Variants in UHRF1 observed in about 807,000 individuals in gnomAD.
The protein encoded by UHRF1 is ubiquitin like with PHD and ring finger domains 1, also known as E3 ubiquitin-protein ligase UHRF1.
Under a neutral mutation model 96.5 loss-of-function variants are expected in UHRF1, and 9 were observed. That is an observed-to-expected ratio of 0.09 (90% CI 0.06 to 0.16). UHRF1 has a LOEUF of 0.16. Ranked by LOEUF, UHRF1 falls within the 10% of genes least tolerant of loss-of-function variation. The probability of loss-of-function intolerance (pLI) is 1.00; values close to 1 mark genes in which losing one functional copy is unlikely to be tolerated. For synonymous variants in UHRF1, 455 were observed against 469.9 expected, an observed-to-expected ratio of 0.97 and a Z score of 0.41; for missense variants, 626 against 1,131.1, an observed-to-expected ratio of 0.55 and a Z score of 6.40.
intron 13 of UHRF1, among the ~76,000 whole-genome samples, chr19:4,952,528 G>A (rs1010197912): frequency 6.7e-6 from 1 of 150,366 alleles, no homozygotes; most frequent in African/African-American, 2.5e-5. Context: ...TGCATAGCTG[G>A]GATCACAGGT....
intron 1 of UHRF1, chr19:4,909,896 GA>G: frequency 2.7e-6 from 1 of 375,066 alleles, no homozygotes; most frequent in Non-Finnish European, 4.7e-6. Context: ...CCGGGTGGGG[GA>G]GGGCCTGGCG....
rs140647290 is a variant in UHRF1 at position 4,938,848 on chromosome 19, A to G, written c.786-2680A>G. Among the ~76,000 whole-genome samples the G allele has an allele frequency of 5.0e-3, 746 of 147,728 alleles. 3 individuals carry two copies. Among genetic ancestry groups the G allele is most frequent in the African/African-American group, 0.018 (712 of 39,996 alleles). On this transcript the variant is annotated intron_variant, in intron 5 of 16. Transcript: ENST00000650932. Reference sequence around the variant, plus strand: ...AGCCCCAACCTCCTGGGCTCAAGCAATCCTCCAACCTCAGCCTCCCACGTA... The same window carrying G: ...AGCCCCAACCTCCTGGGCTCAAGCAGTCCTCCAACCTCAGCCTCCCACGTA...
chr19:4,941,780 G>T lies in UHRF1; in HGVS notation c.922G>T (p.Asp308Tyr). The change falls in exon 7 of 17, where the codon GAC (aspartate) becomes TAC (tyrosine). Residue 308 changes from aspartate (D) to tyrosine (Y), a missense_variant. Physicochemically the swap from Asp to Tyr is radical, Grantham distance 160 (BLOSUM62 -3). Coordinates refer to ENST00000650932, the MANE Select transcript of UHRF1 (RefSeq NM_001048201.3). Reference sequence around the variant, plus strand: ...GCCGTCCTGCAAGCACTGCAAGGACGACGTGAACAGACTCTGCCGGGTCTG... The same window carrying T: ...GCCGTCCTGCAAGCACTGCAAGGACTACGTGAACAGACTCTGCCGGGTCTG... ...SGPSCKHCKD[D>Y]VNRLCRVCAC... 1 of 1,567,312 alleles carries T rather than the reference G, an allele frequency of 6.4e-7. No individual in the cohort carries two copies. Among genetic ancestry groups the T allele is most frequent in the Non-Finnish European group, 8.6e-7 (1 of 1,156,806 alleles).
chr19:4,954,567 TCGTGTGGA>T lies in UHRF1; in HGVS notation c.1958-78_1958-71del. 1.3e-6 allele frequency: 2 copies of T among 1,586,536 alleles called. No homozygotes were observed. Among genetic ancestry groups the T allele is most frequent in the Non-Finnish European group, 1.7e-6 (2 of 1,164,666 alleles). ...GCATCTCGCGGGTGTGGGGTTGAGG[TCGTGTGGA>T]CGTGGGAGCCGGTGGCTGTCTCTCC... On this transcript the variant is annotated intron_variant, in intron 14 of 16. Transcript: ENST00000650932. The surrounding 1 kb of genome is among the most constrained non-coding windows in gnomAD (Gnocchi z 5.9).
At chr19:4,951,696 CAAA>C (rs771845391) in intron 13 of UHRF1, among the ~76,000 whole-genome samples, 21 of 83,340 alleles carry the variant, frequency 2.5e-4, no homozygotes, top group Admixed American at 1.6e-3. Context: ...TGGCTCATCA[CAAA>C]AAAAAAAAAA....
chr19:4,914,528 G>A (rs2032415592), intron 2 of UHRF1, among the ~76,000 whole-genome samples: 1 of 152,072 alleles, frequency 6.6e-6, no homozygotes, highest in Admixed American at 6.6e-5. Flanking sequence ...GTCTCACTTG[G>A]GCTGAATAGG....
rs771845391 is a variant in UHRF1 at position 4,951,696 on chromosome 19, C to CAA, written c.1818+717_1818+718dup. Among the ~76,000 whole-genome samples, 686 of 83,282 alleles carry CAA rather than the reference C, an allele frequency of 8.2e-3. 4 individuals are homozygous for CAA. The highest frequency in any genetic ancestry group is 0.012 in the South Asian group (35 of 2,934). 54.6% of individuals were successfully genotyped at this position (83,282 alleles called of 152,430 possible). A position where few individuals can be genotyped will look rare whatever the true frequency, so the allele number is the denominator to read the frequency against. The stretch of plus-strand genomic sequence containing the variant: ...TCTGTTTTCACTTCTTGGCTCATCA[C>CAA]AAAAAAAAAAAAAAAAAAGCAGAAA... On this transcript the variant is annotated intron_variant, in intron 13 of 16. Transcript: ENST00000650932.
chr19:4,917,072 G>A (rs940403568), intron 2 of UHRF1, among the ~76,000 whole-genome samples: 3 of 114,122 alleles, frequency 2.6e-5, no homozygotes, highest in African/African-American at 6.9e-5. Context: ...CAGCTCGGTG[G>A]GGGGGGGGGG....
intron 6 of UHRF1, 23 bp downstream of exon 6, chr19:4,941,651 C>G (rs751483754): frequency 1.0e-5 from 16 of 1,607,144 alleles, no homozygotes; most frequent in Non-Finnish European, 1.4e-5. Context: ...CCAGCCTTTC[C>G]CCATCTTCCG....
upstream of UHRF1, among the ~76,000 whole-genome samples, chr19:4,905,752 A>G (rs765206347): frequency 3.3e-5 from 5 of 151,666 alleles, no homozygotes; most frequent in Non-Finnish European, 7.4e-5. Context: ...TCCTGACCTC[A>G]GTGATCCGCC....
chr19:4,924,020 G>T (rs1716734947), intron 2 of UHRF1, among the ~76,000 whole-genome samples: 1 of 152,220 alleles, frequency 6.6e-6, no homozygotes, highest in African/African-American at 2.4e-5. Context: ...ACGCTGGAGT[G>T]CAGTGGCGAG....
rs367703737 is a variant in UHRF1, at chr19:4,926,292, C to T, written c.154-2930C>T. On this transcript the variant is annotated intron_variant, in intron 2 of 16. Transcript: ENST00000650932. ...CCTGCGTGTACAGGTTGACGTGCCT[C>T]TTCCTCTCCATCCGTGCCACCTCTC... Among the ~76,000 whole-genome samples, 130 of 152,344 alleles carry T rather than the reference C, an allele frequency of 8.5e-4. 4 individuals carry two copies. In the South Asian group the frequency reaches 0.026, roughly 30 times the overall value.
At chr19:4,923,229 T>G (rs998944713) in intron 2 of UHRF1, among the ~76,000 whole-genome samples, 1 of 152,208 alleles carries the variant, frequency 6.6e-6, no homozygotes. Context: ...GTCCTCTGTC[T>G]GAGTCTGGCA....
At chr19:4,924,215 T>C (rs2032794848) in intron 2 of UHRF1, among the ~76,000 whole-genome samples, 1 of 152,208 alleles carries the variant, frequency 6.6e-6, no homozygotes, top group Non-Finnish European at 1.5e-5. Flanking sequence ...AGTGGCGTGA[T>C]CTCGGCTCAC....
chr19:4,940,170 C>A (rs985723176), intron 5 of UHRF1, among the ~76,000 whole-genome samples: 1 of 152,024 alleles, frequency 6.6e-6, no homozygotes, highest in East Asian at 1.9e-4. Flanking sequence ...CCAATTACTT[C>A]CACCTATGTT....
chr19:4,914,463 A>G (rs1205189411), intron 2 of UHRF1, among the ~76,000 whole-genome samples: 1 of 151,570 alleles, frequency 6.6e-6, no homozygotes, highest in Non-Finnish European at 1.5e-5. Flanking sequence ...GTTGATGGAG[A>G]CCCCAGAGCA....
In UHRF1 at chr19:4,941,751, G is replaced by A. The variant is rs2145174227; in HGVS notation, c.893G>A (p.Ser298Asn). The change falls in exon 7 of 17, where the codon AGC becomes AAC. Residue 298 changes from serine to asparagine, a missense_variant. Ser to Asn is a conservative substitution (Grantham distance 46). Around this residue, in one of 11 missense-constraint regions of UHRF1, gnomAD observed 198 missense variants for 235.1 expected, o/e 0.84. Coordinates refer to ENST00000650932, the MANE Select transcript of UHRF1 (RefSeq NM_001048201.3). ...CCTGCCGCCCCGTGCCCAGGGAAGA[G>A]CGGGCCGTCCTGCAAGCACTGCAAG... is the stretch of plus-strand genomic sequence containing the variant. ...PMVDNPMRRK[S>N]GPSCKHCKDD... 1.3e-6 allele frequency: 2 copies of A among 1,545,850 alleles called. No homozygotes were observed. Among genetic ancestry groups the A allele is most frequent in the South Asian group, 1.2e-5 (1 of 83,726 alleles).
Position 4,960,922 on chromosome 19 carries a change from A to G in UHRF1, c.*119A>G, listed in dbSNP as rs2033972311. On this transcript the variant is annotated 3_prime_UTR_variant, in exon 17 of 17. Transcript: ENST00000650932. Reference sequence around the variant, plus strand: ...CAGGTAGTGTTTCCTCCGTTCCCTAAAAAGGTTTGTCTTCCTTTTTTTTTT... The same window carrying G: ...CAGGTAGTGTTTCCTCCGTTCCCTAGAAAGGTTTGTCTTCCTTTTTTTTTT... 1.8e-6 allele frequency: 1 copy of G among 548,196 alleles called. No individual in the cohort carries two copies. Among genetic ancestry groups the G allele is most frequent in the Non-Finnish European group, 3.1e-6 (1 of 326,940 alleles). 34.0% of individuals were successfully genotyped at this position (548,196 alleles called of 1,614,324 possible).
chr19:4,947,108 C>T lies in UHRF1; in HGVS notation c.1414C>T (p.His472Tyr). 1 of 1,613,040 alleles carries T rather than the reference C, an allele frequency of 6.2e-7. No individual in the cohort carries two copies. The highest frequency in any genetic ancestry group is 8.5e-7 in the Non-Finnish European group (1 of 1,179,464). ...CCAGCCTTCTTGTCTGTTTCAGGAC[C>T]ATGGGAATTTTTTCACATACACGGG... ...LAGGYEDDVD[H>Y]GNFFTYTGSG... The change falls in exon 11 of 17, where the codon CAT becomes TAT. Residue 472 changes from histidine (H) to tyrosine (Y), a missense_variant. Transcript: ENST00000650932.
Sources: allele counts gnomAD v4.1 joint callset (sites outside exome capture counted in the v4.1 genomes callset), GRCh38; gene constraint gnomAD v4.1.1; regional missense constraint gnomAD v4.1.1; non-coding constraint Gnocchi (gnomAD v3.1); transcripts MANE v1.5; gene names NCBI Gene and HGNC (gene_info 2026-07-23, HGNC 2026-07-21).